Variants in CCDC150 observed in about 807,000 individuals in gnomAD.
The protein encoded by CCDC150 is coiled-coil domain-containing protein 150.
Under a neutral mutation model 156.5 loss-of-function variants are expected in CCDC150, and 151 were observed. The ratio of observed to expected loss-of-function variants is 0.97; its 90% CI spans 0.85 to 1.10. The LOEUF (loss-of-function observed/expected upper bound fraction) is 1.10, where lower values mean the gene tolerates loss of function less well. Ranked by LOEUF, CCDC150 falls within the 50% of genes least tolerant of loss-of-function variation. CCDC150 has a pLI of 0.00. For missense variants in CCDC150, 1,312 were observed against 1,268.1 expected (o/e 1.03, Z -0.53); for synonymous variants, 452 against 429.4 (o/e 1.05, Z -0.65).
At chr2:196,686,600 C>T (rs1166193621) in intron 13 of CCDC150, among the ~76,000 whole-genome samples, 1 of 151,116 alleles carries the variant, frequency 6.6e-6, no homozygotes, top group Non-Finnish European at 1.5e-5. Context: ...ATAGAGAGTA[C>T]TTACACAAAC....
intron 15 of CCDC150, among the ~76,000 whole-genome samples, chr2:196,703,244 A>C (rs1696360045): frequency 6.6e-6 from 1 of 152,218 alleles, no homozygotes; most frequent in African/African-American, 2.4e-5. Flanking sequence ...CAAAGGGTTT[A>C]CCATAGGGTT....
chr2:196,729,627 T>C (rs1212606085), intron 23 of CCDC150, 166 bp from the exon 24 acceptor site: 1 of 668,526 alleles, frequency 1.5e-6, no homozygotes, highest in Non-Finnish European at 2.6e-6. Context: ...TTGATTGTAC[T>C]GGACTTTGCT....
At chr2:196,707,310 A>G (rs1249669989) in intron 15 of CCDC150, among the ~76,000 whole-genome samples, 1 of 152,120 alleles carries the variant, frequency 6.6e-6, no homozygotes, top group East Asian at 1.9e-4. Flanking sequence ...TGTTTATAGT[A>G]TTCTCTGATG....
Position 196,701,074 on chromosome 2 carries a change from C to A in CCDC150, c.1624-35C>A, listed in dbSNP as rs181765553. On this transcript the variant is annotated intron_variant, in intron 14 of 27. Transcript: ENST00000389175. ...ATGAAAATGGTTATTCCTTTCTATG[C>A]CTAGAGGTTCTGATGCCTTTGTTTG... 19 of 1,406,366 alleles carry A rather than the reference C, an allele frequency of 1.4e-5. No homozygotes were observed. In the African/African-American group the frequency reaches 1.4e-4, roughly 11 times the overall value. The allele number at this position is 1,406,366 out of a possible 1,614,324, so 87.1% of individuals were successfully genotyped here. A position where few individuals can be genotyped will look rare whatever the true frequency, so the allele number is the denominator to read the frequency against.
intron 17 of CCDC150, among the ~76,000 whole-genome samples, chr2:196,716,846 CTTTTTTTTTTTTTT>C (rs775962426): frequency 0.018 from 1,339 of 74,398 alleles, 17 homozygotes; most frequent in Middle Eastern, 0.036. Flanking sequence ...AAATAACATT[CTTTTTTTTTTTTTT>C]TTTTTTTTTT....
intron 15 of CCDC150, among the ~76,000 whole-genome samples, chr2:196,708,114 T>A (rs1696799593): frequency 6.6e-6 from 1 of 152,174 alleles, no homozygotes; most frequent in East Asian, 1.9e-4. Flanking sequence ...GGTGTTAAAG[T>A]CTCCCACTAT....
At chr2:196,718,668 G>A (rs376168638) in intron 18 of CCDC150, 37 bp downstream of exon 18, 292 of 1,604,418 alleles carry the variant, frequency 1.8e-4, no homozygotes, top group Non-Finnish European at 2.3e-4. Flanking sequence ...CTGTCACTGA[G>A]AAGAAGCACT....
At chr2:196,694,670 T>C (rs1328674634) in intron 13 of CCDC150, among the ~76,000 whole-genome samples, 1 of 152,050 alleles carries the variant, frequency 6.6e-6, no homozygotes, top group East Asian at 1.9e-4. Flanking sequence ...GAGACCAGCC[T>C]GAACAACATG....
Position 196,678,824 on chromosome 2 carries a change from T to G in CCDC150, c.1509+1463T>G, listed in dbSNP as rs1201150452. The stretch of plus-strand genomic sequence containing the variant: ...GGGTGACTGAGGCATGAGAATTGCT[T>G]GAACCTCGTAGGTGGAGGTTGCCAA... On this transcript the variant is annotated intron_variant, in intron 13 of 27. Coordinates refer to ENST00000389175, the MANE Select transcript of CCDC150 (RefSeq NM_001080539.2). Among the ~76,000 whole-genome samples the G allele has an allele frequency of 2.4e-4, 37 of 152,180 alleles. 1 individual carries two copies.
intron 2 of CCDC150, among the ~76,000 whole-genome samples, chr2:196,651,284 C>T (rs1011913809): frequency 1.3e-5 from 2 of 152,154 alleles, no homozygotes; most frequent in South Asian, 4.1e-4. Flanking sequence ...TTAGTTTCGT[C>T]TTTTAACCTG....
intron 13 of CCDC150, among the ~76,000 whole-genome samples, chr2:196,694,035 C>T (rs1695652582): frequency 6.8e-6 from 1 of 147,452 alleles, no homozygotes. Flanking sequence ...GTTCATTTTG[C>T]TAATATTTTG....
chr2:196,652,355 A>G (rs184270352), intron 2 of CCDC150, among the ~76,000 whole-genome samples: 11 of 152,366 alleles, frequency 7.2e-5, no homozygotes, highest in Admixed American at 6.5e-4. Flanking sequence ...TCCAAGATAC[A>G]ATGTGGTACA....
At chr2:196,692,095 A>T (rs1298225451) in intron 13 of CCDC150, among the ~76,000 whole-genome samples, 1 of 149,144 alleles carries the variant, frequency 6.7e-6, no homozygotes, top group Non-Finnish European at 1.5e-5. Flanking sequence ...TTTAGTTGTG[A>T]AGTTAGGTTG....
At chr2:196,659,261 G>A (rs2125587797) in intron 5 of CCDC150, among the ~76,000 whole-genome samples, 1 of 152,204 alleles carries the variant, frequency 6.6e-6, no homozygotes, top group East Asian at 1.9e-4. Context: ...TGTTTTAGTA[G>A]ATAGCAGATT....
chr2:196,710,804 CTG>C (rs1337976197), intron 15 of CCDC150, among the ~76,000 whole-genome samples: 2 of 151,452 alleles, frequency 1.3e-5, no homozygotes, highest in Non-Finnish European at 2.9e-5. Context: ...AAATAGTTAA[CTG>C]TAGGATAGAA....
chr2:196,693,005 G>A (rs187376526), intron 13 of CCDC150, among the ~76,000 whole-genome samples: 10 of 152,206 alleles, frequency 6.6e-5, no homozygotes, highest in African/African-American at 2.4e-4. Context: ...CTCCTGTGTT[G>A]GATGCATATA....
chr2:196,719,552 C>T lies in CCDC150; in HGVS notation c.2051C>T (p.Thr684Ile). 2.5e-6 allele frequency: 4 copies of T among 1,612,556 alleles called. No homozygotes were observed. In the South Asian group the frequency reaches 3.3e-5, roughly 13 times the overall value. ...GCTAAAGAAGACAACTGCAAAGTCA[C>T]AATCATGTTGGAGAATGTGCTGGCT... Reference protein sequence around the residue: ...AEAKEDNCKVTIMLENVLASH... With the variant: ...AEAKEDNCKVIIMLENVLASH... Residue 684 changes from threonine to isoleucine, a missense_variant, in exon 19 of 28, where the codon ACA becomes ATA. Transcript: ENST00000389175.
intron 5 of CCDC150, among the ~76,000 whole-genome samples, chr2:196,659,873 A>G (rs532978037): frequency 6.6e-6 from 1 of 152,302 alleles, no homozygotes; most frequent in African/African-American, 2.4e-5. Context: ...ATCATGCTGT[A>G]AAGTGCTATG....
chr2:196,729,452 C>T (rs756994226), intron 23 of CCDC150, 65 bp downstream of exon 23: 1 of 1,489,768 alleles, frequency 6.7e-7, no homozygotes, highest in Non-Finnish European at 9.3e-7. Context: ...TCAATGGTGT[C>T]TAGGGAAGAC....
Sources: allele counts gnomAD v4.1 joint callset (sites outside exome capture counted in the v4.1 genomes callset), GRCh38; gene constraint gnomAD v4.1.1; transcripts MANE v1.5; gene names NCBI Gene and HGNC (gene_info 2026-07-23, HGNC 2026-07-21).